ZNF875: variants seen among roughly 807,000 people sequenced by gnomAD.
ZNF875 encodes HKR1, GLI-Kruppel zinc finger family member.
ZNF875 carries 14 observed loss-of-function variants against 11.2 expected under a neutral mutation model. That is an observed-to-expected ratio of 1.26 (90% CI 0.83 to 1.96). The LOEUF (loss-of-function observed/expected upper bound fraction) is 1.96. Among genes scored for constraint, ZNF875 ranks in the 30% most tolerant of loss-of-function variants. The pLI is 0.00. For synonymous variants in ZNF875, 301 were observed against 281.1 expected, an observed-to-expected ratio of 1.07 and a Z score of -0.71; for missense variants, 752 against 760.4, an observed-to-expected ratio of 0.99 and a Z score of 0.13.
At chr19:37,335,724 A>C (rs10412043) in intron 2 of ZNF875, among the ~76,000 whole-genome samples, 41,779 of 152,086 alleles carry the variant, frequency 0.27, 7,228 homozygotes, top group African/African-American at 0.48. Context: ...TCAAGGAGCC[A>C]GGCGCCAGGC....
intron 4 of ZNF875, 140 bp downstream of exon 4, chr19:37,348,012 C>A: frequency 1.7e-6 from 1 of 601,296 alleles, no homozygotes; most frequent in South Asian, 2.0e-5. Context: ...GGTCTTCTTT[C>A]CGGAACATAA....
intron 2 of ZNF875, among the ~76,000 whole-genome samples, chr19:37,344,182 TA>T (rs1367860764): frequency 6.6e-6 from 1 of 152,140 alleles, no homozygotes; most frequent in Non-Finnish European, 1.5e-5. Flanking sequence ...CGCAAAGTCA[TA>T]GGGGAGGGAG....
At chr19:37,317,530 AC>A, upstream of ZNF875, among the ~76,000 whole-genome samples, 1 of 152,254 alleles carries the variant, frequency 6.6e-6, no homozygotes, top group African/African-American at 2.4e-5. Context: ...CTCTGTGTTC[AC>A]CGGGAGGTGG....
upstream of ZNF875, among the ~76,000 whole-genome samples, chr19:37,316,220 C>G (rs118063402): frequency 6.3e-3 from 963 of 152,316 alleles, 26 homozygotes; most frequent in East Asian, 0.053. Flanking sequence ...AGTTCACCTC[C>G]CTGCCCGCTC....
upstream of ZNF875, among the ~76,000 whole-genome samples, chr19:37,331,520 A>G (rs2033391493): frequency 2.0e-5 from 3 of 149,460 alleles, no homozygotes; most frequent in Admixed American, 2.0e-4. Flanking sequence ...CTATAACCTT[A>G]CCCCCAACCC....
At chr19:37,337,761 G>C (rs1214680586) in intron 2 of ZNF875, 1 of 150,396 alleles carries the variant, frequency 6.6e-6, no homozygotes, top group African/African-American at 2.5e-5. Flanking sequence ...GCTTTTCTAA[G>C]CCCTGAGATT....
At chr19:37,314,705 C>A (rs1467402782), upstream of ZNF875, among the ~76,000 whole-genome samples, 1 of 137,968 alleles carries the variant, frequency 7.2e-6, no homozygotes, top group African/African-American at 2.7e-5. Context: ...GAGCTGAGAT[C>A]GTGCCACTGC....
chr19:37,330,124 A>AT (rs1165659189), upstream of ZNF875, among the ~76,000 whole-genome samples: 1 of 151,912 alleles, frequency 6.6e-6, no homozygotes, highest in East Asian at 1.9e-4. Flanking sequence ...TATTTTTTCA[A>AT]TTTTTTTCTG....
Position 37,363,521 on chromosome 19 carries a change from T to C in ZNF875, c.1669T>C (p.Ser557Pro). 6.2e-7 allele frequency: 1 copy of C among 1,612,664 alleles called. No homozygotes were observed. Among genetic ancestry groups the C allele is most frequent in the Non-Finnish European group, 8.5e-7 (1 of 1,179,274 alleles). ...PNLFRHKRAHSGAFVCRECGQ... is the reference protein window; with the variant it reads ...PNLFRHKRAHPGAFVCRECGQ... Reference sequence around the variant, plus strand: ...CCTGTTTAGGCACAAGAGGGCACACTCAGGTGCCTTTGTGTGCAGGGAGTG... The same window carrying C: ...CCTGTTTAGGCACAAGAGGGCACACCCAGGTGCCTTTGTGTGCAGGGAGTG... Residue 557 changes from serine (S) to proline (P), a missense_variant, in exon 5 of 5, where the codon TCA becomes CCA. Physicochemically the swap from Ser to Pro is moderately conservative, Grantham distance 74. Transcript: ENST00000392153.
Position 37,362,323 on chromosome 19 carries a change from G to A in ZNF875, c.471G>A (p.Glu157=), listed in dbSNP as rs772248634. 3 of 1,614,122 alleles carry A rather than the reference G, an allele frequency of 1.9e-6. No individual in the cohort carries two copies. In the South Asian group the frequency reaches 3.3e-5, roughly 18 times the overall value. ...CFSGKAEWIQ[E]GEDSRLLFGR... is the part of the protein sequence containing the mutation. Reference sequence around the variant, plus strand: ...GTGGCAAAGCAGAATGGATTCAAGAGGGAGAAGACTCCAGACTCCTGTTTG... The same window carrying A: ...GTGGCAAAGCAGAATGGATTCAAGAAGGAGAAGACTCCAGACTCCTGTTTG... The change falls in exon 5 of 5, where the codon GAG becomes GAA. Residue 157 remains glutamate, a synonymous_variant. Coordinates refer to ENST00000392153, the MANE Select transcript of ZNF875 (RefSeq NM_001353803.2).
chr19:37,345,686 C>A (rs1158675292), intron 2 of ZNF875, among the ~76,000 whole-genome samples: 1 of 152,120 alleles, frequency 6.6e-6, no homozygotes. Flanking sequence ...TAACATAACC[C>A]ATAGATTGAG....
Position 37,363,737 on chromosome 19 carries a change from T to A in ZNF875, c.1885T>A (p.Ser629Thr), listed in dbSNP as rs757949602. The A allele has an allele frequency of 5.6e-6, 9 of 1,613,978 alleles. No individual in the cohort carries two copies. In the Admixed American group the frequency reaches 1.5e-4, roughly 27 times the overall value. Residue 629 changes from serine (S) to threonine (T), a missense_variant, in exon 5 of 5, where the codon TCC becomes ACC. By Grantham distance (58) the Ser-to-Thr change is moderately conservative (BLOSUM62 1). Transcript: ENST00000392153. ...GTGTGGACGGGGCTTTAGTCGGAAG[T>A]CCAACCTTATCAGACATCAGAGGAC... ...RKCGRGFSRK[S>T]NLIRHQRTHS...
intron 1 of ZNF875, among the ~76,000 whole-genome samples, chr19:37,320,105 G>C (rs2145650108): frequency 6.6e-6 from 1 of 152,220 alleles, no homozygotes; most frequent in East Asian, 1.9e-4. Context: ...TCGATCTCCT[G>C]ACTTCGTAAT....
intron 2 of ZNF875, among the ~76,000 whole-genome samples, chr19:37,335,600 AG>A (rs1317440615): frequency 6.6e-6 from 1 of 152,230 alleles, no homozygotes; most frequent in Non-Finnish European, 1.5e-5. Flanking sequence ...TTGGTAAAAC[AG>A]ATAACAAGTT....
intron 2 of ZNF875, among the ~76,000 whole-genome samples, chr19:37,342,476 G>A (rs531452665): frequency 4.7e-5 from 7 of 150,088 alleles, no homozygotes; most frequent in African/African-American, 1.2e-4. Context: ...GCAATGGAGC[G>A]ATATCGGCTC....
Position 37,362,413 on chromosome 19 carries a change from A to G in ZNF875, c.561A>G (p.Ala187=), listed in dbSNP as rs779469210. 1 of 1,614,194 alleles carries G rather than the reference A, an allele frequency of 6.2e-7. No individual in the cohort carries two copies. The highest frequency in any genetic ancestry group is 8.5e-7 in the Non-Finnish European group (1 of 1,180,044). ...GCCCACCTGAAGAACAACAGCCAGC[A>G]CAGTCCAAGGAAGACAACACAGTGG... ...LSSPPEEQQP[A]QSKEDNTVVD... is the part of the protein sequence containing the mutation. Residue 187 remains alanine, a synonymous_variant, in exon 5 of 5, where the codon GCA becomes GCG. Coordinates refer to ENST00000392153, the MANE Select transcript of ZNF875 (RefSeq NM_001353803.2).
In ZNF875 at chr19:37,363,890, G is replaced by T. The variant is rs144085787; in HGVS notation, c.*115G>T. On this transcript the variant is annotated 3_prime_UTR_variant, in exon 5 of 5. Transcript: ENST00000392153. ...TTTTCAGCCATTGCTAGATACCAAA[G>T]TGGAGACATTCTGTGTGTGATTATG... 3.9e-6 allele frequency: 3 copies of T among 775,830 alleles called. No homozygotes were observed. Among genetic ancestry groups the T allele is most frequent in the Non-Finnish European group, 6.4e-6 (3 of 466,904 alleles). 48.1% of individuals were successfully genotyped at this position (775,830 alleles called of 1,614,324 possible). A position where few individuals can be genotyped will look rare whatever the true frequency, so the allele number is the denominator to read the frequency against.
intron 4 of ZNF875, among the ~76,000 whole-genome samples, chr19:37,357,374 A>G (rs1490722948): frequency 1.3e-5 from 2 of 152,154 alleles, no homozygotes; most frequent in Non-Finnish European, 2.9e-5. Flanking sequence ...ATGACAAATG[A>G]TGTTGGTAAT....
chr19:37,358,123 T>C, intron 4 of ZNF875: 1 of 350,534 alleles, frequency 2.9e-6, no homozygotes, highest in East Asian at 4.2e-5. Context: ...TTTACATCTA[T>C]TAAGATGATC....
Sources: allele counts gnomAD v4.1 joint callset (sites outside exome capture counted in the v4.1 genomes callset), GRCh38; gene constraint gnomAD v4.1.1; transcripts MANE v1.5; gene names NCBI Gene and HGNC (gene_info 2026-07-23, HGNC 2026-07-21).